The following CASK variants were observed in gnomAD, a reference collection of about 807,000 sequenced individuals.
The protein encoded by CASK is calcium/calmodulin dependent serine protein kinase.
In CASK, 4 loss-of-function variants were observed where a neutral mutation model predicts 82.9. That is an observed-to-expected ratio of 0.05 (90% CI 0.02 to 0.11). CASK has a LOEUF of 0.11. CASK is among the 10% of genes least tolerant of loss of function. The pLI, the probability that CASK is intolerant of heterozygous loss-of-function variation, is 1.00. For missense variants in CASK, 358 were observed against 720.9 expected, an observed-to-expected ratio of 0.50 and a Z score of 5.76; for synonymous variants, 259 against 253.5, an observed-to-expected ratio of 1.02 and a Z score of -0.20.
rs758219737 is a variant in CASK at position 41,520,039 on chromosome X, G to A, written c.*381C>T. 2 of 121,895 alleles carry A rather than the reference G, an allele frequency of 1.6e-5. No homozygotes were observed. The highest frequency in any genetic ancestry group is 6.5e-5 in the African/African-American group (2 of 30,962). 10.0% of individuals were successfully genotyped at this position (121,895 alleles called of 1,213,427 possible). ...AATGTAGTGTTCCACCCCCAGTCAA[G>A]GTAACAGAATCATTGTTTATTATTA... On this transcript the variant is annotated 3_prime_UTR_variant, in exon 27 of 27. Coordinates refer to ENST00000378163, the MANE Select transcript of CASK (RefSeq NM_001367721.1).
At chrX:41,870,212 G>C (rs2071681187) in intron 1 of CASK, among the ~76,000 whole-genome samples, 2 of 111,294 alleles carry the variant, frequency 1.8e-5, no homozygotes, top group South Asian at 3.8e-4. Context: ...GAAAAATAAA[G>C]ACAAAGCAAA....
At chrX:41,772,766 G>C (rs1023546570) in intron 3 of CASK, among the ~76,000 whole-genome samples, 1 of 111,199 alleles carries the variant, frequency 9.0e-6, no homozygotes. Flanking sequence ...TTAGGAGGCC[G>C]AGGCGGGCGG....
At chrX:41,912,300 G>GTTTTTTTTTTTTTTTTTTTT (rs774775542) in intron 1 of CASK, among the ~76,000 whole-genome samples, 20 of 53,175 alleles carry the variant, frequency 3.8e-4, no homozygotes, top group Non-Finnish European at 5.4e-4. Context: ...TTTGTTTTCT[G>GTTTTTTTTTTTTTTTTTTTT]TTTTTTTTTT....
At chrX:41,813,977 A>C (rs1269915852) in intron 2 of CASK, among the ~76,000 whole-genome samples, 2 of 112,436 alleles carry the variant, frequency 1.8e-5, no homozygotes, top group African/African-American at 6.5e-5. Context: ...ATGCAGCCAA[A>C]AGACACATGA....
intron 7 of CASK, 22 bp downstream of exon 7, chrX:41,665,255 G>A (rs2067098362): frequency 8.7e-7 from 1 of 1,150,596 alleles, no homozygotes; most frequent in African/African-American, 1.8e-5. Context: ...AATGGAAAAA[G>A]AAAATGTTCA....
chrX:41,549,976 C>G (rs1026820442), intron 21 of CASK, among the ~76,000 whole-genome samples: 2 of 109,518 alleles, frequency 1.8e-5, no homozygotes, highest in Non-Finnish European at 3.8e-5. Context: ...CCTGGCCAAC[C>G]TGGTGAAACC....
intron 5 of CASK, chrX:41,730,056 A>C (rs984881236): frequency 8.3e-6 from 1 of 120,228 alleles, no homozygotes; most frequent in Admixed American, 1.0e-4. Context: ...GTCTATTTCT[A>C]CTTCCATGGT....
chrX:41,915,809 G>A (rs1166132280), intron 1 of CASK, among the ~76,000 whole-genome samples: 1 of 105,083 alleles, frequency 9.5e-6, no homozygotes, highest in African/African-American at 3.5e-5. Flanking sequence ...CTTACATGGT[G>A]AAACCCCATC....
chrX:41,696,011 G>A (rs1387054878), intron 5 of CASK: 6 of 1,210,136 alleles, frequency 5.0e-6, no homozygotes, highest in South Asian at 3.5e-5. Context: ...GTGTGATTCT[G>A]TGCAAGGTTG....
chrX:41,706,182 C>T (rs766659463), intron 5 of CASK, among the ~76,000 whole-genome samples: 1 of 111,727 alleles, frequency 9.0e-6, no homozygotes, highest in Admixed American at 9.5e-5. Flanking sequence ...ATATTCAGTT[C>T]CCCTTTGTGG....
intron 2 of CASK, among the ~76,000 whole-genome samples, chrX:41,835,928 G>A (rs1043702171): frequency 2.7e-5 from 3 of 111,882 alleles, no homozygotes; most frequent in African/African-American, 6.5e-5. Context: ...GTATCTCATT[G>A]TAAATAGTTA....
chrX:41,570,494 A>G (rs1471137933), intron 15 of CASK, among the ~76,000 whole-genome samples: 1 of 111,693 alleles, frequency 9.0e-6, no homozygotes, highest in East Asian at 2.8e-4. Flanking sequence ...CAGGATAGTG[A>G]TATATCTATC....
chrX:41,563,290 G>A (rs375189054), intron 16 of CASK, among the ~76,000 whole-genome samples: 102 of 98,194 alleles, frequency 1.0e-3, no homozygotes, highest in African/African-American at 3.3e-3. Flanking sequence ...CCAGGAGTTC[G>A]AGGTTGCAGT....
At chrX:41,695,856 G>A (rs901033726) in intron 5 of CASK, 2 of 1,205,088 alleles carry the variant, frequency 1.7e-6, no homozygotes, top group Non-Finnish European at 1.1e-6. Context: ...GAACATAATC[G>A]CCCTCTATGT....
At chrX:41,535,133 T>C (rs1020141743) in intron 22 of CASK, among the ~76,000 whole-genome samples, 160 bp from the exon 23 acceptor site, 4 of 111,942 alleles carry the variant, frequency 3.6e-5, no homozygotes, top group Admixed American at 1.9e-4. Flanking sequence ...TTAAGTCATA[T>C]AGCATCTAGG....
chrX:41,818,504 G>A (rs1323644795), intron 2 of CASK, among the ~76,000 whole-genome samples: 6 of 109,951 alleles, frequency 5.5e-5, no homozygotes, highest in Non-Finnish European at 9.5e-5. Flanking sequence ...TCGGGAGGCT[G>A]AGGTGGGAGG....
chrX:41,563,040 CAAAAAAAAAAAAA>C (rs141364032), intron 16 of CASK, among the ~76,000 whole-genome samples: 3 of 22,206 alleles, frequency 1.4e-4, no homozygotes, highest in Non-Finnish European at 2.2e-4. Context: ...GACTCCATCT[CAAAAAAAAAAAAA>C]AAAAAAAAAA....
intron 2 of CASK, among the ~76,000 whole-genome samples, chrX:41,804,561 C>T (rs1378161765): frequency 1.8e-5 from 2 of 111,772 alleles, no homozygotes; most frequent in African/African-American, 6.5e-5. Flanking sequence ...ACAGAGAGAG[C>T]ACAACTGTGA....
chrX:41,713,801 G>C lies in CASK; in HGVS notation c.429+25583C>G, dbSNP rs751511344. 3.6e-5 allele frequency among the ~76,000 whole-genome samples: 4 copies of C among 111,775 alleles called. No individual in the cohort carries two copies. In the South Asian group the frequency reaches 1.5e-3, roughly 42 times the overall value. On this transcript the variant is annotated intron_variant, in intron 5 of 26. Transcript: ENST00000378163. ...CTAAGCAGGGTAGAGTCTTTAGAGG[G>C]CTATTAAAAAATGGGATGAATAAAG...
Sources: allele counts gnomAD v4.1 joint callset (sites outside exome capture counted in the v4.1 genomes callset), GRCh38; gene constraint gnomAD v4.1.1; transcripts MANE v1.5; gene names NCBI Gene and HGNC (gene_info 2026-07-23, HGNC 2026-07-21).